The following TPRG1 variants were observed in gnomAD, a reference collection of about 807,000 sequenced individuals.
TPRG1 encodes tumor protein p63 regulated 1, also known as tumor protein p63-regulated gene 1 protein.
In TPRG1, 29 loss-of-function variants were observed where a neutral mutation model predicts 29.3. The observed-to-expected ratio is 0.99, with a 90% CI of 0.74 to 1.35. The LOEUF (loss-of-function observed/expected upper bound fraction) is 1.35, where lower values mean the gene tolerates loss of function less well. Among genes scored for constraint, TPRG1 ranks in the 40% most tolerant of loss-of-function variants. TPRG1 has a pLI of 0.00. For synonymous variants in TPRG1, 130 were observed against 116.8 expected (o/e 1.11, Z -0.73); for missense variants, 327 against 335.0 (o/e 0.98, Z 0.19).
intron 4 of TPRG1, among the ~76,000 whole-genome samples, chr3:189,276,685 A>T (rs924926325): frequency 6.6e-6 from 1 of 152,134 alleles, no homozygotes; most frequent in African/African-American, 2.4e-5. Context: ...AAAACAAGAC[A>T]TTGTTAACAA....
chr3:189,306,071 C>T (rs140189683), intron 4 of TPRG1, among the ~76,000 whole-genome samples: 272 of 152,256 alleles, frequency 1.8e-3, no homozygotes, highest in African/African-American at 6.1e-3. Flanking sequence ...ATAGTAAAAT[C>T]GGCTCATAGA....
chr3:189,046,965 G>T, intron 4 of TPRG1, among the ~76,000 whole-genome samples: 1 of 152,108 alleles, frequency 6.6e-6, no homozygotes, highest in Non-Finnish European at 1.5e-5. Context: ...AACGCAGAGG[G>T]GAAGAGCAAG....
chr3:189,213,546 G>C (rs530939321), intron 2 of TPRG1, among the ~76,000 whole-genome samples: 1 of 152,244 alleles, frequency 6.6e-6, no homozygotes, highest in South Asian at 2.1e-4. Context: ...AACTCCAGAG[G>C]CTACCAATTC....
intron 3 of TPRG1, among the ~76,000 whole-genome samples, chr3:189,217,053 A>G (rs1736177866): frequency 2.0e-5 from 3 of 152,138 alleles, no homozygotes; most frequent in South Asian, 2.1e-4. Context: ...GCACATTTTA[A>G]TTGGTTTTAT....
At chr3:189,133,002 G>A (rs911771442) in intron 3 of TPRG1, among the ~76,000 whole-genome samples, 5 of 152,156 alleles carry the variant, frequency 3.3e-5, no homozygotes, top group African/African-American at 1.2e-4. Context: ...ACGGAAATAT[G>A]TACTGAAAAC....
intron 1 of TPRG1, among the ~76,000 whole-genome samples, chr3:189,181,185 G>A (rs1297288942): frequency 6.6e-6 from 1 of 152,210 alleles, no homozygotes; most frequent in Non-Finnish European, 1.5e-5. Flanking sequence ...CTCCCAGCCT[G>A]TGATGGGAGG....
upstream of TPRG1, among the ~76,000 whole-genome samples, chr3:189,099,410 G>T (rs1327946324): frequency 6.6e-6 from 1 of 151,980 alleles, no homozygotes; most frequent in East Asian, 1.9e-4. Context: ...TGGGTGGGAA[G>T]GGGGGCAGGC....
intron 3 of TPRG1, among the ~76,000 whole-genome samples, chr3:189,013,249 T>C (rs917390647): frequency 3.3e-5 from 5 of 152,208 alleles, no homozygotes; most frequent in African/African-American, 9.6e-5. Context: ...AAAAACCTTC[T>C]TGATTTCTAC....
In TPRG1 at chr3:189,251,855, A is replaced by T. The variant is rs911421876; in HGVS notation, c.479+12946A>T. Among the ~76,000 whole-genome samples, 8 of 151,660 alleles carry T rather than the reference A, an allele frequency of 5.3e-5. No individual in the cohort carries two copies. The South Asian group carries it at 1.0e-3, about 20-fold the overall frequency. Reference sequence around the variant, plus strand: ...GACGGGCAGGAGACAGATGCCTTCCACTTGTCTCAACTGCAAAGAGGCATG... The same window carrying T: ...GACGGGCAGGAGACAGATGCCTTCCTCTTGTCTCAACTGCAAAGAGGCATG... On this transcript the variant is annotated intron_variant, in intron 4 of 5. Transcript: ENST00000345063.
intron 3 of TPRG1, among the ~76,000 whole-genome samples, chr3:189,233,520 TCTC>T (rs942706066): frequency 6.6e-6 from 1 of 152,022 alleles, no homozygotes; most frequent in African/African-American, 2.4e-5. Flanking sequence ...CTAGGCTCCA[TCTC>T]CTCAATTGGG....
At chr3:189,252,891 A>C (rs1742509656) in intron 4 of TPRG1, among the ~76,000 whole-genome samples, 1 of 152,134 alleles carries the variant, frequency 6.6e-6, no homozygotes, top group African/African-American at 2.4e-5. Context: ...TTATTCTCAA[A>C]GCAAAATGTG....
intron 4 of TPRG1, among the ~76,000 whole-genome samples, chr3:189,041,442 A>T (rs568409284): frequency 6.6e-6 from 1 of 152,332 alleles, no homozygotes; most frequent in East Asian, 1.9e-4. Context: ...TGGGCAGATT[A>T]TTTAACAACT....
intron 5 of TPRG1, among the ~76,000 whole-genome samples, chr3:189,313,470 C>G (rs1307419470): frequency 6.6e-6 from 1 of 151,998 alleles, no homozygotes; most frequent in Non-Finnish European, 1.5e-5. Flanking sequence ...ATAACTAAAT[C>G]AAAAACTGAA....
At chr3:189,174,967 C>T (rs919342932) in intron 1 of TPRG1, among the ~76,000 whole-genome samples, 3 of 152,174 alleles carry the variant, frequency 2.0e-5, no homozygotes, top group African/African-American at 7.2e-5. Context: ...TAGAGACTAG[C>T]TTAATGATAT....
intron 4 of TPRG1, among the ~76,000 whole-genome samples, chr3:189,050,902 C>G (rs760099647): frequency 3.9e-5 from 6 of 152,168 alleles, no homozygotes; most frequent in Non-Finnish European, 7.4e-5. Flanking sequence ...GATTGAAACT[C>G]TCAGCAAAAT....
At chr3:189,154,783 G>A (rs999041363) in intron 5 of TPRG1, among the ~76,000 whole-genome samples, 1 of 152,044 alleles carries the variant, frequency 6.6e-6, no homozygotes, top group Non-Finnish European at 1.5e-5. Flanking sequence ...GGGGGAGAGG[G>A]GGTTGAGACA....
Position 189,308,142 on chromosome 3 carries a change from GT to G in TPRG1, c.480-2237del, listed in dbSNP as rs977315136. The stretch of plus-strand genomic sequence containing the variant: ...TCTAAAGAACAGATGAGGAAGTCCT[GT>G]TTTTTTCTAAATATGGGAAGACATA... On this transcript the variant is annotated intron_variant, in intron 4 of 5. Transcript: ENST00000345063. Among the ~76,000 whole-genome samples, 6 of 152,222 alleles carry G rather than the reference GT, an allele frequency of 3.9e-5. No individual in the cohort carries two copies. The South Asian group carries it at 1.2e-3, about 32-fold the overall frequency.
chr3:189,033,803 C>T (rs1390277659), intron 4 of TPRG1, among the ~76,000 whole-genome samples: 2 of 151,872 alleles, frequency 1.3e-5, no homozygotes, highest in African/African-American at 4.8e-5. Context: ...GTTTTGATCT[C>T]CTGACCTCGT....
At chr3:189,310,646 A>C in intron 5 of TPRG1, 107 bp downstream of exon 5, 2 of 472,744 alleles carry the variant, frequency 4.2e-6, no homozygotes, top group Non-Finnish European at 6.4e-6. Context: ...AAATAAAATA[A>C]AATAAAATAA....
Sources: gnomAD v4.1 joint callset for allele counts (sites outside exome capture counted in the v4.1 genomes callset) on GRCh38, gnomAD v4.1.1 for gene constraint, MANE v1.5 for transcripts, NCBI Gene and HGNC (gene_info 2026-07-23, HGNC 2026-07-21) for gene names.